SASH1: variants seen among roughly 807,000 people sequenced by gnomAD.
The protein encoded by SASH1 is SAM and SH3 domain-containing protein 1.
In SASH1, 44 loss-of-function variants were observed where a neutral mutation model predicts 125.2. The ratio of observed to expected loss-of-function variants is 0.35; its 90% CI spans 0.28 to 0.45. The LOEUF is 0.45. SASH1 is among the 20% of genes least tolerant of loss of function. SASH1 has a pLI of 1.00. For synonymous variants in SASH1, 639 were observed against 649.1 expected (o/e 0.98, Z 0.24); for missense variants, 1,426 against 1,614.5 (o/e 0.88, Z 2.00).
intron 1 of SASH1, among the ~76,000 whole-genome samples, chr6:148,308,382 T>C (rs1352196962): frequency 6.7e-6 from 1 of 148,584 alleles, no homozygotes; most frequent in East Asian, 2.0e-4. Flanking sequence ...CAGTTGTTCA[T>C]CAAAAACTTA....
intron 2 of SASH1, among the ~76,000 whole-genome samples, chr6:148,411,540 T>G (rs1349249686): frequency 6.6e-6 from 1 of 152,178 alleles, no homozygotes; most frequent in Non-Finnish European, 1.5e-5. Flanking sequence ...TTTATTTTAT[T>G]TATTAGTGTT....
At chr6:148,218,616 G>C in the SASH1 span, among the ~76,000 whole-genome samples, 5 of 152,136 alleles carry the variant, frequency 3.3e-5, no homozygotes, top group African/African-American at 4.8e-5. Flanking sequence ...AAGGAGAGCT[G>C]GTGCTGGGAC....
chr6:148,392,562 G>A (rs545599660), intron 2 of SASH1, among the ~76,000 whole-genome samples: 2 of 152,276 alleles, frequency 1.3e-5, no homozygotes, highest in Non-Finnish European at 2.9e-5. Context: ...CTGTTTCCAC[G>A]GTAAGACTAT....
chr6:148,264,936 G>T, the SASH1 span, among the ~76,000 whole-genome samples: 1 of 152,320 alleles, frequency 6.6e-6, no homozygotes, highest in East Asian at 1.9e-4. Context: ...AGGGGCCTTG[G>T]CCATTATATT....
At chr6:148,289,558 T>C (rs2128508257) in intron 1 of SASH1, among the ~76,000 whole-genome samples, 1 of 152,352 alleles carries the variant, frequency 6.6e-6, no homozygotes, top group South Asian at 2.1e-4. Context: ...TTTGCCATGG[T>C]AAAGTAAGTT....
At chr6:148,343,245 C>A in intron 1 of SASH1, 22 bp downstream of exon 1, 1 of 1,574,286 alleles carries the variant, frequency 6.4e-7, no homozygotes, top group Non-Finnish European at 8.6e-7. Context: ...GGGGAGGGGG[C>A]GGCGCAGGAA....
chr6:148,486,987 A>G (rs1398118832), intron 7 of SASH1, among the ~76,000 whole-genome samples: 1 of 81,754 alleles, frequency 1.2e-5, no homozygotes, highest in African/African-American at 5.4e-5. Flanking sequence ...ATATATATAT[A>G]TATATATGTA....
the SASH1 span, among the ~76,000 whole-genome samples, chr6:148,212,644 A>G: frequency 3.9e-5 from 6 of 152,228 alleles, no homozygotes; most frequent in Admixed American, 6.5e-5. Flanking sequence ...GAAGATAAGA[A>G]TAGAATTACA....
intron 2 of SASH1, among the ~76,000 whole-genome samples, chr6:148,395,743 G>GT (rs1364077808): frequency 6.6e-6 from 1 of 152,170 alleles, no homozygotes; most frequent in Admixed American, 6.5e-5. Context: ...GGCACCATGT[G>GT]TTTTTTTGGC....
At chr6:148,290,498 CGG>C in intron 1 of SASH1, among the ~76,000 whole-genome samples, 1 of 151,804 alleles carries the variant, frequency 6.6e-6, no homozygotes, top group East Asian at 2.0e-4. Flanking sequence ...CCCAGCTACT[CGG>C]GAGGCTGAGG....
the SASH1 span, among the ~76,000 whole-genome samples, chr6:148,248,398 C>T: frequency 1.3e-5 from 2 of 152,182 alleles, no homozygotes; most frequent in Non-Finnish European, 2.9e-5. Flanking sequence ...AATGGGTGTT[C>T]AGTGAACAAC....
chr6:148,349,555 C>T (rs539707195), intron 1 of SASH1, among the ~76,000 whole-genome samples: 64 of 152,202 alleles, frequency 4.2e-4, no homozygotes, highest in African/African-American at 1.4e-3. Flanking sequence ...TGAGCCACGA[C>T]GCCCGCCCGG....
At chr6:148,415,774 T>C (rs73788545) in intron 2 of SASH1, among the ~76,000 whole-genome samples, 4,985 of 152,220 alleles carry the variant, frequency 0.033, 255 homozygotes, top group African/African-American at 0.11. Context: ...CATGGCTCTG[T>C]CATTGGAGTT....
At chr6:148,508,660 A>C in intron 8 of SASH1, 1 of 1,165,652 alleles carries the variant, frequency 8.6e-7, no homozygotes, top group Non-Finnish European at 1.1e-6. Flanking sequence ...AATTGAATCC[A>C]GTGTCTTCCC....
chr6:148,267,306 C>G (rs1247431616), upstream of SASH1, among the ~76,000 whole-genome samples: 1 of 151,902 alleles, frequency 6.6e-6, no homozygotes, highest in African/African-American at 2.4e-5. Context: ...TCCAAATGCC[C>G]GGGCCACACC....
At chr6:148,395,724 C>T (rs1783922826) in intron 2 of SASH1, among the ~76,000 whole-genome samples, 1 of 152,158 alleles carries the variant, frequency 6.6e-6, no homozygotes, top group South Asian at 2.1e-4. Context: ...ACATTTGGCA[C>T]AATCCCTGGG....
chr6:148,526,046 C>CTTTT (rs34023266), intron 11 of SASH1, among the ~76,000 whole-genome samples: 7 of 54,158 alleles, frequency 1.3e-4, no homozygotes, highest in African/African-American at 4.2e-4. Context: ...GAAGGTGAGT[C>CTTTT]TTTTTTTTTT....
chr6:148,410,356 G>A (rs1784574644), intron 2 of SASH1, among the ~76,000 whole-genome samples: 1 of 151,924 alleles, frequency 6.6e-6, no homozygotes, highest in Non-Finnish European at 1.5e-5. Context: ...TGATCTGCCT[G>A]CCTCGGCCTC....
intron 8 of SASH1, among the ~76,000 whole-genome samples, chr6:148,505,507 C>T (rs1451749749): frequency 1.3e-5 from 2 of 152,124 alleles, no homozygotes; most frequent in African/African-American, 4.8e-5. Flanking sequence ...GACCATGTTT[C>T]ACCATGTTGG....
Sources: gnomAD v4.1 joint callset for allele counts (sites outside exome capture counted in the v4.1 genomes callset) on GRCh38, gnomAD v4.1.1 for gene constraint, MANE v1.5 for transcripts, NCBI Gene and HGNC (gene_info 2026-07-23, HGNC 2026-07-21) for gene names.